GALNT13: variants seen among roughly 807,000 people sequenced by gnomAD.
GALNT13 encodes the protein UDP-GalNAc:polypeptide N-acetylgalactosaminyltransferase 13.
In GALNT13, 28 loss-of-function variants were observed where a neutral mutation model predicts 64.2. The observed-to-expected ratio is 0.44, with a 90% CI of 0.32 to 0.60. The LOEUF (loss-of-function observed/expected upper bound fraction) is 0.60, where lower values mean the gene tolerates loss of function less well. Ranked by LOEUF, GALNT13 falls within the 20% of genes least tolerant of loss-of-function variation. GALNT13 has a pLI of 0.05. For missense variants in GALNT13, 577 were observed against 669.8 expected (o/e 0.86, Z 1.53); for synonymous variants, 214 against 224.6 (o/e 0.95, Z 0.42).
At chr2:153,554,735 T>G in the GALNT13 span, among the ~76,000 whole-genome samples, 1 of 152,084 alleles carries the variant, frequency 6.6e-6, no homozygotes. Context: ...TTCATTGTCT[T>G]TTTTGTGTGC....
chr2:153,675,674 C>A, the GALNT13 span, among the ~76,000 whole-genome samples: 13 of 152,118 alleles, frequency 8.5e-5, no homozygotes, highest in African/African-American at 2.9e-4. Flanking sequence ...CACATTTACC[C>A]TAGAACTTAA....
chr2:153,693,889 C>T, the GALNT13 span, among the ~76,000 whole-genome samples: 5 of 151,920 alleles, frequency 3.3e-5, no homozygotes, highest in African/African-American at 9.6e-5. Flanking sequence ...CCGAGGTGGG[C>T]GGATCATGAG....
chr2:153,258,397 A>AACAAAACAAT, the GALNT13 span, among the ~76,000 whole-genome samples: 1 of 151,954 alleles, frequency 6.6e-6, no homozygotes, highest in Non-Finnish European at 1.5e-5. Flanking sequence ...AACAAAACAA[A>AACAAAACAAT]ACAAAACCCA....
intron 3 of GALNT13, among the ~76,000 whole-genome samples, chr2:153,945,975 A>G (rs529277040): frequency 6.6e-6 from 1 of 152,266 alleles, no homozygotes; most frequent in East Asian, 1.9e-4. Flanking sequence ...TGCATTTTTT[A>G]TGCCTTTATA....
chr2:154,149,416 T>G (rs1032298716), intron 4 of GALNT13, among the ~76,000 whole-genome samples: 2 of 151,202 alleles, frequency 1.3e-5, no homozygotes, highest in East Asian at 1.9e-4. Context: ...TGCGGGCTCT[T>G]TTTTGCTTCC....
chr2:153,145,978 A>C, the GALNT13 span, among the ~76,000 whole-genome samples: 1 of 151,776 alleles, frequency 6.6e-6, no homozygotes, highest in East Asian at 1.9e-4. Flanking sequence ...TGTGAGGTGT[A>C]TTTAGCTTCA....
At chr2:153,856,489 A>G in the GALNT13 span, among the ~76,000 whole-genome samples, 5 of 152,126 alleles carry the variant, frequency 3.3e-5, no homozygotes, top group Admixed American at 1.3e-4. Context: ...CCATTTCACC[A>G]AAGAGATTAT....
At chr2:153,161,567 T>C in the GALNT13 span, among the ~76,000 whole-genome samples, 1 of 151,938 alleles carries the variant, frequency 6.6e-6, no homozygotes, top group African/African-American at 2.4e-5. Flanking sequence ...CAGCCAGACT[T>C]AAGAGAGAGT....
the GALNT13 span, among the ~76,000 whole-genome samples, chr2:153,556,857 C>G: frequency 1.3e-5 from 2 of 152,272 alleles, no homozygotes; most frequent in South Asian, 4.1e-4. Context: ...CTTCACTGGC[C>G]TTATATCATC....
the GALNT13 span, among the ~76,000 whole-genome samples, chr2:153,251,592 G>T: frequency 6.6e-6 from 1 of 151,246 alleles, no homozygotes; most frequent in African/African-American, 2.4e-5. Flanking sequence ...CTCGCATTAG[G>T]TATATCTCCC....
At chr2:153,984,429 A>T (rs569633707) in intron 3 of GALNT13, among the ~76,000 whole-genome samples, 1 of 151,954 alleles carries the variant, frequency 6.6e-6, no homozygotes, top group East Asian at 1.9e-4. Context: ...ATTCAAATAC[A>T]TCCTAACAGT....
chr2:153,939,253 G>A (rs1691169762), intron 2 of GALNT13, among the ~76,000 whole-genome samples: 1 of 152,160 alleles, frequency 6.6e-6, no homozygotes, highest in African/African-American at 2.4e-5. Context: ...ATGAACCTAT[G>A]ACTGGGCAGA....
the GALNT13 span, among the ~76,000 whole-genome samples, chr2:153,259,428 A>T: frequency 1.3e-5 from 2 of 151,742 alleles, no homozygotes; most frequent in Non-Finnish European, 2.9e-5. Flanking sequence ...TTTTCATTCA[A>T]TGTTATTATA....
the GALNT13 span, among the ~76,000 whole-genome samples, chr2:153,580,024 G>C: frequency 4.7e-4 from 71 of 152,172 alleles, 1 homozygote; most frequent in African/African-American, 1.7e-3. Context: ...CTATTTTTGT[G>C]ATTTCACCAG....
intron 4 of GALNT13, among the ~76,000 whole-genome samples, chr2:154,160,557 G>A (rs1198518336): frequency 1.3e-5 from 2 of 151,596 alleles, no homozygotes; most frequent in Non-Finnish European, 2.9e-5. Flanking sequence ...TGCCTTACAT[G>A]TCTCCAAACA....
At chr2:153,532,603 G>A in the GALNT13 span, among the ~76,000 whole-genome samples, 82 of 152,180 alleles carry the variant, frequency 5.4e-4, 1 homozygote, top group East Asian at 0.013. Flanking sequence ...TCTACCACAT[G>A]GACAGGAGAA....
At chr2:154,015,892 T>A (rs560191877) in intron 3 of GALNT13, among the ~76,000 whole-genome samples, 1 of 152,304 alleles carries the variant, frequency 6.6e-6, no homozygotes, top group East Asian at 1.9e-4. Flanking sequence ...TAAGAACACA[T>A]GACTGTAATC....
chr2:153,884,145 AT>A (rs1321769321), intron 1 of GALNT13, among the ~76,000 whole-genome samples: 3 of 152,098 alleles, frequency 2.0e-5, no homozygotes, highest in Admixed American at 6.6e-5. Flanking sequence ...AATTACAAAG[AT>A]AACCAACAAG....
intron 3 of GALNT13, among the ~76,000 whole-genome samples, chr2:153,981,766 C>T (rs565112610): frequency 6.6e-6 from 1 of 152,154 alleles, no homozygotes; most frequent in Non-Finnish European, 1.5e-5. Flanking sequence ...TTCATTGAGC[C>T]AGGTTATCTC....
Sources: allele counts gnomAD v4.1 joint callset (sites outside exome capture counted in the v4.1 genomes callset), GRCh38; gene constraint gnomAD v4.1.1; transcripts MANE v1.5; gene names NCBI Gene and HGNC (gene_info 2026-07-23, HGNC 2026-07-21).